Variants in KIN observed in about 807,000 individuals in gnomAD.
The protein encoded by KIN is Kin17 DNA and RNA binding protein.
A neutral mutation model predicts 63.0 loss-of-function variants in KIN; 47 were observed. The ratio of observed to expected loss-of-function variants is 0.75; its 90% confidence interval spans 0.59 to 0.95. The LOEUF (loss-of-function observed/expected upper bound fraction) is 0.95, where lower values mean the gene tolerates loss of function less well. KIN is among the 40% of genes least tolerant of loss of function. The pLI is 0.00. For missense variants in KIN, 408 were observed against 460.9 expected, an observed-to-expected ratio of 0.89 and a Z score of 1.05; for synonymous variants, 160 against 157.7, an observed-to-expected ratio of 1.01 and a Z score of -0.11.
chr10:7,763,741 CT>C lies in KIN; in HGVS notation c.899del (p.Lys300ArgfsTer9). On this transcript the variant is annotated frameshift_variant, in exon 10 of 13. Coordinates refer to ENST00000379562, the MANE Select transcript of KIN (RefSeq NM_012311.4). LOFTEE classifies it high-confidence loss of function. ...TCCTTACCTTAACAATAGCCTTTTT[CT>C]TATGATATTTCTCTCCCAGTTTCTT... ...ITKKLGEKYH[K>X]KKAIVKEVID... The C allele has an allele frequency of 2.0e-6, 3 of 1,487,034 alleles. No homozygotes were observed. The highest frequency in any genetic ancestry group is 2.8e-6 in the Non-Finnish European group (3 of 1,078,190). 92.1% of individuals were successfully genotyped at this position (1,487,034 alleles called of 1,614,324 possible).
intron 5 of KIN, 138 bp from the exon 6 acceptor site, chr10:7,775,937 A>G: frequency 1.9e-6 from 1 of 513,592 alleles, no homozygotes; most frequent in East Asian, 3.5e-5. Context: ...TTAAGAAATT[A>G]CATGCTTTCG....
intron 9 of KIN, among the ~76,000 whole-genome samples, chr10:7,765,159 C>CAAA (rs35343111): frequency 1.1e-4 from 10 of 93,244 alleles, no homozygotes; most frequent in Non-Finnish European, 1.3e-4. Flanking sequence ...AACTCCATCT[C>CAAA]AAAAAAAAAA....
rs184269944 is a variant in KIN at position 7,765,308 on chromosome 10, A to C, written c.849+745T>G. 1.1e-3 allele frequency among the ~76,000 whole-genome samples: 171 copies of C among 152,194 alleles called. 1 individual carries two copies. Among genetic ancestry groups the C allele is most frequent in the African/African-American group, 4.0e-3 (165 of 41,528 alleles). On this transcript the variant is annotated intron_variant, in intron 9 of 12. Coordinates refer to ENST00000379562, the MANE Select transcript of KIN (RefSeq NM_012311.4). ...ACCTTGTCTCTACAAAAAATACAAA[A>C]ATTGGCAGGGCATTAGTGGTGCATG... is the stretch of plus-strand genomic sequence containing the variant.
chr10:7,752,409 G>A lies in KIN; in HGVS notation c.*3671C>T. ...CAGCTATTAAGATGGCCAAAATCCA[G>A]AACACTGACAACATCAAATGCTGAC... On this transcript the variant is annotated 3_prime_UTR_variant, in exon 13 of 13. Transcript: ENST00000379562. The A allele has an allele frequency of 6.6e-6, 1 of 152,142 alleles. No individual in the cohort carries two copies. The highest frequency in any genetic ancestry group is 2.1e-4 in the South Asian group (1 of 4,820). 9.4% of individuals were successfully genotyped at this position (152,142 alleles called of 1,614,324 possible). A position where few individuals can be genotyped will look rare whatever the true frequency, so the allele number is the denominator to read the frequency against.
At chr10:7,776,321 A>G (rs1835770782) in intron 5 of KIN, among the ~76,000 whole-genome samples, 1 of 148,128 alleles carries the variant, frequency 6.8e-6, no homozygotes, top group Non-Finnish European at 1.5e-5. Context: ...CAGGTGGATC[A>G]CCTGAGGTCA....
intron 7 of KIN, among the ~76,000 whole-genome samples, chr10:7,770,360 G>T (rs1468833711): frequency 1.3e-5 from 2 of 152,218 alleles, no homozygotes; most frequent in Non-Finnish European, 2.9e-5. Context: ...TATTGACTGA[G>T]CCATGCCCTA....
rs144539815 is a variant in KIN at position 7,787,906 on chromosome 10, T to C, written c.28A>G (p.Lys10Glu). ...GACTTGATCCTGTTGGCGATAGCCT[T>C]GGGAGTAAGAAAATCCGACTTCCCC... MGKSDFLTP[K>E]AIANRIKSKG... Residue 10 changes from lysine (K) to glutamate (E), a missense_variant, in exon 1 of 13, where the codon AAG becomes GAG. Around this residue, in one of 2 missense-constraint regions of KIN, gnomAD observed 110 missense variants for 164.9 expected, o/e 0.67. Transcript: ENST00000379562. 4.8e-5 allele frequency: 78 copies of C among 1,613,974 alleles called. No homozygotes were observed. The highest frequency in any genetic ancestry group is 6.5e-5 in the Non-Finnish European group (77 of 1,179,896).
Position 7,754,333 on chromosome 10 carries a change from T to C in KIN, c.*1747A>G. 3.7e-6 allele frequency: 1 copy of C among 271,864 alleles called. No homozygotes were observed. The highest frequency in any genetic ancestry group is 3.4e-5 in the South Asian group (1 of 29,776). 16.8% of individuals were successfully genotyped at this position (271,864 alleles called of 1,614,324 possible). ...CTGGATGACAGAGCAAGACCCTATCTCAAAAAACAGAACAAAAAAAAAGAG... is the reference window on the plus strand; with the variant it reads ...CTGGATGACAGAGCAAGACCCTATCCCAAAAAACAGAACAAAAAAAAAGAG... On this transcript the variant is annotated 3_prime_UTR_variant, in exon 13 of 13. Transcript: ENST00000379562.
intron 5 of KIN, among the ~76,000 whole-genome samples, chr10:7,777,304 G>C (rs559836766): frequency 6.6e-6 from 1 of 151,386 alleles, no homozygotes; most frequent in Non-Finnish European, 1.5e-5. Context: ...ATCAATCGTG[G>C]TATACTGGAA....
intron 4 of KIN, 146 bp from the exon 5 acceptor site, chr10:7,779,165 T>C (rs1835845769): frequency 1.1e-5 from 10 of 887,644 alleles, no homozygotes; most frequent in East Asian, 7.9e-5. Flanking sequence ...CTCAGCACTT[T>C]AGGAGGCCAA....
At chr10:7,776,796 T>A (rs943948368) in intron 5 of KIN, among the ~76,000 whole-genome samples, 1 of 147,926 alleles carries the variant, frequency 6.8e-6, no homozygotes, top group Non-Finnish European at 1.5e-5. Flanking sequence ...ATGCCTATAA[T>A]CCCAGCACTT....
intron 7 of KIN, 99 bp from the exon 8 acceptor site, chr10:7,769,444 G>A: frequency 2.5e-6 from 3 of 1,191,714 alleles, no homozygotes; most frequent in Admixed American, 2.2e-5. Flanking sequence ...GTGTGACATA[G>A]TAATTTACAG....
intron 5 of KIN, among the ~76,000 whole-genome samples, chr10:7,776,599 CG>C (rs760707535): frequency 8.6e-5 from 13 of 151,152 alleles, no homozygotes; most frequent in Admixed American, 7.3e-4. Context: ...GGCATGGTGG[CG>C]GGCGCCTGTA....
At chr10:7,767,821 T>G (rs909371689) in intron 8 of KIN, among the ~76,000 whole-genome samples, 1 of 142,982 alleles carries the variant, frequency 7.0e-6, no homozygotes, top group Non-Finnish European at 1.5e-5. Context: ...ATTGCACCAC[T>G]GCACTCCAGC....
rs1398858438 is a variant in KIN at position 7,752,185 on chromosome 10, G to A, written c.*3895C>T. The stretch of plus-strand genomic sequence containing the variant: ...ACTTGCAAAAGACACATTCGATAAA[G>A]AACACAACTGAAATATACAAACAAC... On this transcript the variant is annotated 3_prime_UTR_variant, in exon 13 of 13. Coordinates refer to ENST00000379562, the MANE Select transcript of KIN (RefSeq NM_012311.4). 1 of 151,610 alleles carries A rather than the reference G, an allele frequency of 6.6e-6. No homozygotes were observed. Among genetic ancestry groups the A allele is most frequent in the African/African-American group, 2.4e-5 (1 of 41,234 alleles). The allele number at this position is 151,610 out of a possible 1,614,324, so 9.4% of individuals were successfully genotyped here.
Position 7,755,929 on chromosome 10 carries a change from G to T in KIN, c.*151C>A, listed in dbSNP as rs566181036. 26 of 421,920 alleles carry T rather than the reference G, an allele frequency of 6.2e-5. No homozygotes were observed. The highest frequency in any genetic ancestry group is 5.0e-4 in the African/African-American group (15 of 30,300). 26.1% of individuals were successfully genotyped at this position (421,920 alleles called of 1,614,324 possible). A position where few individuals can be genotyped will look rare whatever the true frequency, so the allele number is the denominator to read the frequency against. On this transcript the variant is annotated 3_prime_UTR_variant, in exon 13 of 13. Transcript: ENST00000379562. ...GAGACATAATTAAATTCTTCTCAAA[G>T]TTTAGCTGAACAACTATACAGTAAT...
rs1835282507 is a variant in KIN, at chr10:7,753,959, T to G, written c.*2121A>C. 1 of 442,074 alleles carries G rather than the reference T, an allele frequency of 2.3e-6. No individual in the cohort carries two copies. Among genetic ancestry groups the G allele is most frequent in the African/African-American group, 2.0e-5 (1 of 49,790 alleles). 27.4% of individuals were successfully genotyped at this position (442,074 alleles called of 1,614,324 possible). ...CAGGGTTTGGCACCATACCTGTGTC[T>G]GACGTCAGCTTATACCCATCCTCAT... On this transcript the variant is annotated 3_prime_UTR_variant, in exon 13 of 13. Coordinates refer to ENST00000379562, the MANE Select transcript of KIN (RefSeq NM_012311.4).
At chr10:7,774,160 T>C (rs1447806729) in intron 7 of KIN, among the ~76,000 whole-genome samples, 3 of 152,218 alleles carry the variant, frequency 2.0e-5, no homozygotes, top group Admixed American at 2.0e-4. Context: ...ATATTTACTA[T>C]GTGGCTCTTT....
intron 8 of KIN, chr10:7,766,431 A>C (rs1311493824): frequency 4.0e-6 from 1 of 248,204 alleles, no homozygotes; most frequent in Non-Finnish European, 7.7e-6. Flanking sequence ...GGAGCTGGAA[A>C]AGAGGCCACG....
Sources: allele counts gnomAD v4.1 joint callset (sites outside exome capture counted in the v4.1 genomes callset), GRCh38; gene constraint gnomAD v4.1.1; regional missense constraint gnomAD v4.1.1; transcripts MANE v1.5; gene names NCBI Gene and HGNC (gene_info 2026-07-23, HGNC 2026-07-21).